NID1: variants seen among roughly 807,000 people sequenced by gnomAD.
NID1 encodes nidogen-1.
A neutral mutation model predicts 130.6 loss-of-function variants in NID1; 76 were observed. That is an observed-to-expected ratio of 0.58 (90% CI 0.48 to 0.70). The LOEUF is 0.70. Ranked by LOEUF, NID1 falls within the 30% of genes least tolerant of loss-of-function variation. NID1 has a pLI of 0.00. For synonymous variants in NID1, 665 were observed against 675.1 expected, an observed-to-expected ratio of 0.98 and a Z score of 0.23; for missense variants, 1,517 against 1,664.8, an observed-to-expected ratio of 0.91 and a Z score of 1.54.
At chr1:236,054,886 C>T (rs909550319) in intron 1 of NID1, among the ~76,000 whole-genome samples, 2 of 152,066 alleles carry the variant, frequency 1.3e-5, no homozygotes, top group African/African-American at 4.8e-5. Flanking sequence ...AAGCTATCCG[C>T]CCGCCTCAGC....
At chr1:236,001,837 C>T (rs1658086098) in intron 12 of NID1, among the ~76,000 whole-genome samples, 1 of 152,222 alleles carries the variant, frequency 6.6e-6, no homozygotes, top group Non-Finnish European at 1.5e-5. Flanking sequence ...TGTGAAACTG[C>T]ATTGTTGAGT....
At chr1:236,061,844 C>T (rs1335944276) in intron 1 of NID1, among the ~76,000 whole-genome samples, 5 of 152,028 alleles carry the variant, frequency 3.3e-5, no homozygotes, top group African/African-American at 1.2e-4. Flanking sequence ...CATCATTAGC[C>T]ATCAGAGAGA....
At chr1:235,986,787 A>G (rs1452970960) in intron 14 of NID1, among the ~76,000 whole-genome samples, 3 of 152,002 alleles carry the variant, frequency 2.0e-5, no homozygotes, top group Non-Finnish European at 4.4e-5. Context: ...TAAGATATTC[A>G]CTCTCTTAAA....
chr1:236,050,485 G>A (rs1043755496), intron 1 of NID1, among the ~76,000 whole-genome samples: 1 of 151,810 alleles, frequency 6.6e-6, no homozygotes, highest in Non-Finnish European at 1.5e-5. Context: ...CCTGGGAGGT[G>A]GGGATTGCAG....
rs778567341 is a variant in NID1, at chr1:236,038,210, G to T, written c.1179C>A (p.Asn393Lys). ...CTGCGTGCACCGAGCACTGGTGTCT[G>T]TTGTTAGCACACGTCTGGCGGGAAT... ...NTDSRQTCAN[N>K]RHQCSVHAEC... Residue 393 changes from asparagine (N) to lysine (K), a missense_variant, in exon 5 of 20, where the codon AAC (asparagine) becomes AAA (lysine). By Grantham distance (94) the Asn-to-Lys change is moderately conservative (BLOSUM62 0). Transcript: ENST00000264187. The T allele has an allele frequency of 6.2e-7, 1 of 1,613,740 alleles. No homozygotes were observed. Among genetic ancestry groups the T allele is most frequent in the Non-Finnish European group, 8.5e-7 (1 of 1,179,698 alleles).
At chr1:235,990,014 T>C (rs2102798255) in intron 14 of NID1, among the ~76,000 whole-genome samples, 1 of 152,342 alleles carries the variant, frequency 6.6e-6, no homozygotes, top group Non-Finnish European at 1.5e-5. Flanking sequence ...GGCAACCCAT[T>C]TGAGAGCTTT....
intron 19 of NID1, among the ~76,000 whole-genome samples, chr1:235,978,415 A>G (rs1657337073): frequency 6.6e-6 from 1 of 152,204 alleles, no homozygotes. Flanking sequence ...GAGGCAGCAT[A>G]GCATAGACTC....
chr1:235,989,204 G>A lies in NID1; in HGVS notation c.2928+1682C>T, dbSNP rs55971026. Among the ~76,000 whole-genome samples, 526 of 150,950 alleles carry A rather than the reference G, an allele frequency of 3.5e-3. 5 individuals carry two copies. Among genetic ancestry groups the A allele is most frequent in the African/African-American group, 0.012 (489 of 41,106 alleles). On this transcript the variant is annotated intron_variant, in intron 14 of 19. Transcript: ENST00000264187. The stretch of plus-strand genomic sequence containing the variant: ...CCCAAGTAGCTGGGATTACAGGAAC[G>A]CACCACCATGTGCAGATAATTTTTG...
At chr1:235,980,440 C>T in intron 17 of NID1, 56 bp downstream of exon 17, 1 of 1,581,614 alleles carries the variant, frequency 6.3e-7, no homozygotes, top group Non-Finnish European at 8.6e-7. Context: ...CTAGTTTGCC[C>T]ACCCCTGACT....
At chr1:236,054,033 AC>A (rs1289964439) in intron 1 of NID1, among the ~76,000 whole-genome samples, 2 of 152,374 alleles carry the variant, frequency 1.3e-5, no homozygotes, top group South Asian at 2.1e-4. Context: ...GCTAATGGAC[AC>A]AATGGGATGC....
At chr1:236,000,196 AGAGC>A (rs60610894) in intron 12 of NID1, among the ~76,000 whole-genome samples, 7,326 of 152,164 alleles carry the variant, frequency 0.048, 571 homozygotes, top group African/African-American at 0.16. Context: ...CCTGGGTGAC[AGAGC>A]GAGACTCTAT....
intron 9 of NID1, among the ~76,000 whole-genome samples, chr1:236,021,178 G>A (rs978122592): frequency 2.0e-5 from 3 of 151,992 alleles, no homozygotes; most frequent in African/African-American, 4.8e-5. Context: ...GAGGGCTCCC[G>A]TTCACACACA....
In NID1 at chr1:236,045,582, C is replaced by A. The variant is rs758108910; in HGVS notation, c.627G>T (p.Lys209Asn). Residue 209 changes from lysine (K) to asparagine (N), a missense_variant, in exon 3 of 20, where the codon AAG becomes AAT. Physicochemically the swap from Lys to Asn is moderately conservative, Grantham distance 94 (BLOSUM62 0). Around this residue, in one of 3 missense-constraint regions of NID1, gnomAD observed 1,329 missense variants for 1,429.2 expected, o/e 0.93. Transcript: ENST00000264187. ...CGGCAGGAACTTGGTTGTTTTCCTT[C>A]TTTGAGAATGTCGTATGGAACTGCA... ...DGLQFHTTFS[K>N]KENNQVPAVV... is the part of the protein sequence containing the mutation. 1.2e-6 allele frequency: 2 copies of A among 1,614,092 alleles called. No homozygotes were observed. Among genetic ancestry groups the A allele is most frequent in the Non-Finnish European group, 1.7e-6 (2 of 1,180,026 alleles).
intron 5 of NID1, among the ~76,000 whole-genome samples, chr1:236,034,996 C>CT (rs11371748): frequency 0.43 from 60,624 of 141,920 alleles, 14,833 homozygotes; most frequent in African/African-American, 0.69. Flanking sequence ...TTCTTTCTTT[C>CT]TTTTTTTTTA....
At chr1:235,985,870 C>T (rs934419248) in intron 14 of NID1, among the ~76,000 whole-genome samples, 4 of 152,064 alleles carry the variant, frequency 2.6e-5, no homozygotes, top group African/African-American at 4.8e-5. Context: ...GAGTGATCCT[C>T]GCCCTCAGAC....
chr1:236,064,136 G>A (rs1660123385), intron 1 of NID1, among the ~76,000 whole-genome samples: 1 of 152,194 alleles, frequency 6.6e-6, no homozygotes, highest in African/African-American at 2.4e-5. Context: ...CGGCACGAAA[G>A]GACTTCAACA....
In NID1 at chr1:235,984,248, T is replaced by C. The variant is rs375258269; in HGVS notation, c.3055+1131A>G. Among the ~76,000 whole-genome samples, 141 of 152,338 alleles carry C rather than the reference T, an allele frequency of 9.3e-4. 1 individual carries two copies. Among genetic ancestry groups the C allele is most frequent in the African/African-American group, 3.0e-3 (123 of 41,572 alleles). On this transcript the variant is annotated intron_variant, in intron 15 of 19. Coordinates refer to ENST00000264187, the MANE Select transcript of NID1 (RefSeq NM_002508.3). ...CACACGGAGATAGGCATTTTCAAAC[T>C]GTTTTTCACTAAACCAAAGCATGAA...
chr1:235,984,024 T>C (rs1009158547), intron 15 of NID1, among the ~76,000 whole-genome samples: 1 of 152,122 alleles, frequency 6.6e-6, no homozygotes, highest in Non-Finnish European at 1.5e-5. Flanking sequence ...TGATCTTTCT[T>C]CTACAAAGAT....
intron 1 of NID1, among the ~76,000 whole-genome samples, chr1:236,057,456 G>A (rs1031445995): frequency 2.0e-5 from 3 of 151,722 alleles, no homozygotes; most frequent in African/African-American, 7.3e-5. Context: ...TCAGCTGGGC[G>A]TGGTGGCTCA....
Sources: gnomAD v4.1 joint callset for allele counts (sites outside exome capture counted in the v4.1 genomes callset) on GRCh38, gnomAD v4.1.1 for gene constraint, gnomAD v4.1.1 regional missense constraint, MANE v1.5 for transcripts, NCBI Gene and HGNC (gene_info 2026-07-23, HGNC 2026-07-21) for gene names.